Variants in NRXN2 observed in about 807,000 individuals in gnomAD.
NRXN2 encodes the protein neurexin-2-beta.
A neutral mutation model predicts 128.8 loss-of-function variants in NRXN2; 29 were observed. The ratio of observed to expected loss-of-function variants is 0.23; its 90% CI spans 0.17 to 0.31. The LOEUF is 0.31. Ranked by LOEUF, NRXN2 falls within the 10% of genes least tolerant of loss-of-function variation. The pLI is 1.00. For synonymous variants in NRXN2, 1,098 were observed against 1,075.2 expected (o/e 1.02, Z -0.41); for missense variants, 1,881 against 2,452.6 (o/e 0.77, Z 4.92).
Position 64,607,756 on chromosome 11 carries a change from G to C in NRXN2, c.4579C>G (p.Leu1527Val). 6.3e-7 allele frequency: 1 copy of C among 1,584,034 alleles called. No individual in the cohort carries two copies. The highest frequency in any genetic ancestry group is 8.6e-7 in the Non-Finnish European group (1 of 1,165,508). ...CGGGGAGCGGGTTTGCGGGGTGACA[G>C]GAGGGTGGTGCGGTCCGTGACCAGG... ...FPLVTDRTTL[L>V]SPRKPAPRPN... is the part of the protein sequence containing the mutation. The change falls in exon 23 of 23, where the codon CTG (leucine) becomes GTG (valine). Residue 1527 changes from leucine to valine, a missense_variant. By Grantham distance (32) the Leu-to-Val change is conservative (BLOSUM62 1). Transcript: ENST00000265459.
chr11:64,686,279 A>G (rs1171230058), intron 5 of NRXN2, among the ~76,000 whole-genome samples: 1 of 152,028 alleles, frequency 6.6e-6, no homozygotes, highest in South Asian at 2.1e-4. Context: ...CAACCTTCCC[A>G]TCGGCCACTC....
chr11:64,689,666 T>C (rs2053555383), intron 5 of NRXN2, among the ~76,000 whole-genome samples: 1 of 152,074 alleles, frequency 6.6e-6, no homozygotes, highest in Non-Finnish European at 1.5e-5. Context: ...CTAGTGGAAG[T>C]GTGGACAAAG....
chr11:64,655,057 C>G (rs1215811301), intron 11 of NRXN2, among the ~76,000 whole-genome samples: 1 of 152,196 alleles, frequency 6.6e-6, no homozygotes, highest in Non-Finnish European at 1.5e-5. Context: ...TCGCTCCACC[C>G]CAAATAGGCT....
intron 6 of NRXN2, among the ~76,000 whole-genome samples, chr11:64,684,184 G>A (rs570734663): frequency 1.3e-5 from 2 of 152,214 alleles, no homozygotes; most frequent in African/African-American, 2.4e-5. Context: ...TGCCGAAGTC[G>A]GTACCAGGTG....
chr11:64,630,198 C>T lies in NRXN2; in HGVS notation c.3757+204G>A, dbSNP rs1424623594. Among the ~76,000 whole-genome samples, 2 of 152,116 alleles carry T rather than the reference C, an allele frequency of 1.3e-5. No individual in the cohort carries two copies. Among genetic ancestry groups the T allele is most frequent in the African/African-American group, 4.8e-5 (2 of 41,424 alleles). ...CGCATTCGCACCACCACGGTCTCGC[C>T]CCGCCGCCACAAATCCCGACTTTTC... is the stretch of plus-strand genomic sequence containing the variant. On this transcript the variant is annotated intron_variant, in intron 19 of 22. Transcript: ENST00000265459. This position sits in a 1 kb window ranked among gnomAD's most constrained non-coding sequence, Gnocchi z 4.6.
At chr11:64,676,633 T>C (rs2051353101) in intron 7 of NRXN2, 2 of 302,914 alleles carry the variant, frequency 6.6e-6, no homozygotes, top group East Asian at 6.3e-5. Context: ...AATAAAGCAA[T>C]AGAAATAAGC....
In NRXN2 at chr11:64,607,884, C is replaced by G; in HGVS notation, c.4451G>C (p.Ser1484Thr). 5 of 1,580,988 alleles carry G rather than the reference C, an allele frequency of 3.2e-6. No homozygotes were observed. The highest frequency in any genetic ancestry group is 4.3e-6 in the Non-Finnish European group (5 of 1,164,366). Residue 1484 changes from serine (S) to threonine (T), a missense_variant, in exon 23 of 23, where the codon AGC becomes ACC. By Grantham distance (58) the Ser-to-Thr change is moderately conservative. This residue lies in a region of NRXN2 where 310 missense variants were observed against 318.2 expected (regional missense o/e 0.97). Coordinates refer to ENST00000265459, the MANE Select transcript of NRXN2 (RefSeq NM_015080.4). ...GGCCTCGATGGGCTCCTCGCAGTCGCTGTCGTCCCGCTCGGCCTGGCACGG... is the reference window on the plus strand; with the variant it reads ...GGCCTCGATGGGCTCCTCGCAGTCGGTGTCGTCCCGCTCGGCCTGGCACGG... Reference protein sequence around the residue: ...GGPCQAERDDSDCEEPIEASG... With the variant: ...GGPCQAERDDTDCEEPIEASG...
intron 22 of NRXN2, among the ~76,000 whole-genome samples, chr11:64,613,443 C>A (rs2040984943): frequency 6.6e-6 from 1 of 152,270 alleles, no homozygotes. Context: ...GGAAGCAAGA[C>A]TACATTTCCT....
intron 7 of NRXN2, among the ~76,000 whole-genome samples, chr11:64,672,982 C>T (rs2050825189): frequency 6.6e-6 from 1 of 152,156 alleles, no homozygotes; most frequent in Non-Finnish European, 1.5e-5. Flanking sequence ...CCCATTTTAC[C>T]TCTGACTCTC....
intron 3 of NRXN2, among the ~76,000 whole-genome samples, chr11:64,693,247 G>GAA (rs35035960): frequency 7.0e-6 from 1 of 142,530 alleles, no homozygotes; most frequent in Non-Finnish European, 1.5e-5. Context: ...CTTCTTGCCG[G>GAA]AAAAAAAAAA....
chr11:64,709,521 A>T (rs1413259310), intron 2 of NRXN2, among the ~76,000 whole-genome samples: 1 of 152,202 alleles, frequency 6.6e-6, no homozygotes, highest in Non-Finnish European at 1.5e-5. Context: ...GAAGGGAATC[A>T]GTAGGGTTAT....
chr11:64,623,008 G>A lies in NRXN2; in HGVS notation c.3918C>T (p.Phe1306=), dbSNP rs1168604002. The stretch of plus-strand genomic sequence containing the variant: ...AGTAGAGGCCGGACACCTGGCCCTG[G>A]AAGGGGCGGCCCTGATCCCGGCCCC... ...KIGGRDQGRP[F]QGQVSGLYYN... is the part of the protein sequence containing the mutation. The change falls in exon 21 of 23, where the codon TTC becomes TTT. Residue 1306 remains phenylalanine (F), a synonymous_variant. Coordinates refer to ENST00000265459, the MANE Select transcript of NRXN2 (RefSeq NM_015080.4). The surrounding 1 kb of genome is among the most constrained non-coding windows in gnomAD (Gnocchi z 4.9). 1.2e-6 allele frequency: 2 copies of A among 1,613,032 alleles called. No individual in the cohort carries two copies. The highest frequency in any genetic ancestry group is 3.3e-5 in the Admixed American group (2 of 59,956).
At chr11:64,715,115 G>T (rs1189021584) in intron 1 of NRXN2, among the ~76,000 whole-genome samples, 1 of 152,118 alleles carries the variant, frequency 6.6e-6, no homozygotes, top group Non-Finnish European at 1.5e-5. Flanking sequence ...GGAGGAGAAA[G>T]GTGGCCTAGT....
rs763745028 is a variant in NRXN2, at chr11:64,660,377, G to A, written c.2344C>T (p.Arg782Cys). Residue 782 changes from arginine to cysteine, a missense_variant, in exon 11 of 23, where the codon CGC (arginine) becomes TGC (cysteine). Arg to Cys is a radical substitution (Grantham distance 180). This residue lies in a region of NRXN2 where 997 missense variants were observed against 1,240.8 expected (regional missense o/e 0.80). Transcript: ENST00000265459. The surrounding 1 kb of genome is among the most constrained non-coding windows in gnomAD (Gnocchi z 5.2). Reference sequence around the variant, plus strand: ...ATCTGCCCCCCATCCAGCTCCAGGCGTAGGGTGTCGGCAGACTCCCTGGAA... The same window carrying A: ...ATCTGCCCCCCATCCAGCTCCAGGCATAGGGTGTCGGCAGACTCCCTGGAA... ...TTSRESADTL[R>C]LELDGGQMKL... The A allele has an allele frequency of 2.1e-5, 34 of 1,614,016 alleles. No individual in the cohort carries two copies. Among genetic ancestry groups the A allele is most frequent in the African/African-American group, 2.7e-5 (2 of 74,920 alleles).
Position 64,635,142 on chromosome 11 carries a change from G to A in NRXN2, c.3585+129C>T. The A allele has an allele frequency of 1.9e-6, 2 of 1,026,742 alleles. No homozygotes were observed. Among genetic ancestry groups the A allele is most frequent in the South Asian group, 2.8e-5 (2 of 70,230 alleles). 63.6% of individuals were successfully genotyped at this position (1,026,742 alleles called of 1,614,324 possible). ...CTTCTTAGCAGGAAGCTCCAGCAAT[G>A]AGGGAACAGAGGTTCTGAGGGTTCC... On this transcript the variant is annotated intron_variant, in intron 18 of 22. Transcript: ENST00000265459. The surrounding 1 kb of genome is among the most constrained non-coding windows in gnomAD (Gnocchi z 4.8).
rs550263518 is a variant in NRXN2 at position 64,676,689 on chromosome 11, C to A, written c.1197+304G>T. ...CTAACCAGAGCCGATGAACATGGGG[C>A]CTGCCCCCAGGTCTCTCTGGCCAGG... On this transcript the variant is annotated intron_variant, in intron 7 of 22. Coordinates refer to ENST00000265459, the MANE Select transcript of NRXN2 (RefSeq NM_015080.4). 5.4e-5 allele frequency: 27 copies of A among 498,550 alleles called. No homozygotes were observed. In the South Asian group the frequency reaches 7.0e-4, roughly 13 times the overall value. 30.9% of individuals were successfully genotyped at this position (498,550 alleles called of 1,614,324 possible). A position where few individuals can be genotyped will look rare whatever the true frequency, so the allele number is the denominator to read the frequency against.
rs145547247 is a variant in NRXN2 at position 64,635,951 on chromosome 11, G to A, written c.3404-499C>T. Among the ~76,000 whole-genome samples the A allele has an allele frequency of 6.5e-4, 99 of 152,156 alleles. No individual in the cohort carries two copies. In the South Asian group the frequency reaches 0.011, roughly 17 times the overall value. On this transcript the variant is annotated intron_variant, in intron 17 of 22. Coordinates refer to ENST00000265459, the MANE Select transcript of NRXN2 (RefSeq NM_015080.4). The surrounding 1 kb of genome is among the most constrained non-coding windows in gnomAD (Gnocchi z 4.8). ...AGAGCTGTGTGCAGCTCTGACTCACGGCCAGAGCTGGCGCCCTCCAACATC... is the reference window on the plus strand; with the variant it reads ...AGAGCTGTGTGCAGCTCTGACTCACAGCCAGAGCTGGCGCCCTCCAACATC...
intron 21 of NRXN2, among the ~76,000 whole-genome samples, chr11:64,621,472 T>C (rs1011985484): frequency 6.6e-6 from 1 of 152,172 alleles, no homozygotes. Flanking sequence ...TCCTCAGCTT[T>C]CTTTGCAGAG....
chr11:64,690,436 T>C lies in NRXN2; in HGVS notation c.819A>G (p.Gly273=), dbSNP rs1282191748. Residue 273 remains glycine (G), a synonymous_variant, in exon 5 of 23, where the codon GGA becomes GGG. Coordinates refer to ENST00000265459, the MANE Select transcript of NRXN2 (RefSeq NM_015080.4). The stretch of plus-strand genomic sequence containing the variant: ...TTGGCTGGTGCACATCGCCGGCTCC[T>C]CCTCTCCCGGCCCCCCCCTCGGAGA... The part of the protein sequence containing the change: ...LLFSEGGAGR[G]GAGDVHQPTK... The C allele has an allele frequency of 1.2e-6, 2 of 1,613,336 alleles. No homozygotes were observed. The highest frequency in any genetic ancestry group is 2.7e-5 in the African/African-American group (2 of 74,936).
Sources: allele counts gnomAD v4.1 joint callset (sites outside exome capture counted in the v4.1 genomes callset), GRCh38; gene constraint gnomAD v4.1.1; regional missense constraint gnomAD v4.1.1; non-coding constraint Gnocchi (gnomAD v3.1); transcripts MANE v1.5; gene names NCBI Gene and HGNC (gene_info 2026-07-23, HGNC 2026-07-21).